The following NRIP1 variants were observed in gnomAD, a reference collection of about 807,000 sequenced individuals.
NRIP1 encodes nuclear receptor interacting protein 1, also known as nuclear receptor-interacting protein 1.
Under a neutral mutation model 75.0 loss-of-function variants are expected in NRIP1, and 28 were observed. The observed-to-expected ratio is 0.37, with a 90% CI of 0.28 to 0.51. NRIP1 has a LOEUF of 0.51. Ranked by LOEUF, NRIP1 falls within the 20% of genes least tolerant of loss-of-function variation. The pLI is 0.92. For synonymous variants in NRIP1, 526 were observed against 487.6 expected (o/e 1.08, Z -1.04); for missense variants, 1,435 against 1,343.7 (o/e 1.07, Z -1.06).
In NRIP1 at chr21:14,966,706, T is replaced by G. The variant is rs1211469423; in HGVS notation, c.1487A>C (p.Gln496Pro). Reference sequence around the variant, plus strand: ...TAGCAATTGAAGAAGTGTTACTTTCTGGTGTGAGTTTAGCTTAGAATTCTT... The same window carrying G: ...TAGCAATTGAAGAAGTGTTACTTTCGGGTGTGAGTTTAGCTTAGAATTCTT... ...TSKNSKLNSHQKVTLLQLLLG... is the reference protein window; with the variant it reads ...TSKNSKLNSHPKVTLLQLLLG... Residue 496 changes from glutamine to proline, a missense_variant, in exon 4 of 4, where the codon CAG becomes CCG. Gln to Pro is a moderately conservative substitution (Grantham distance 76). Transcript: ENST00000318948. 1.3e-5 allele frequency: 21 copies of G among 1,614,144 alleles called. No homozygotes were observed. The highest frequency in any genetic ancestry group is 1.7e-5 in the Non-Finnish European group (20 of 1,180,008).
chr21:14,974,125 C>T (rs905345794), intron 3 of NRIP1: 1 of 152,022 alleles, frequency 6.6e-6, no homozygotes, highest in Non-Finnish European at 1.5e-5. Context: ...AAAGAAATGA[C>T]ACAAAACAAC....
intron 3 of NRIP1, chr21:15,002,185 T>C (rs1196162784): frequency 2.0e-5 from 3 of 152,228 alleles, no homozygotes; most frequent in Non-Finnish European, 2.9e-5. Context: ...CCTACCTTTC[T>C]CTCACAGCAG....
chr21:15,044,879 T>C (rs2089036180), intron 1 of NRIP1, among the ~76,000 whole-genome samples: 1 of 152,202 alleles, frequency 6.6e-6, no homozygotes, highest in African/African-American at 2.4e-5. Context: ...ATACCCAGCA[T>C]GGTGCAAGGT....
intron 2 of NRIP1, among the ~76,000 whole-genome samples, chr21:15,035,657 A>G (rs569808362): frequency 6.6e-5 from 10 of 151,770 alleles, no homozygotes; most frequent in African/African-American, 1.9e-4. Context: ...CCTGGGTTCA[A>G]GCATTTCTCC....
intron 2 of NRIP1, among the ~76,000 whole-genome samples, chr21:15,014,917 T>C (rs79837810): frequency 1.3e-5 from 2 of 150,188 alleles, no homozygotes; most frequent in Admixed American, 6.6e-5. Flanking sequence ...AGCAAAAAAA[T>C]TGGTAATAAA....
Position 14,967,064 on chromosome 21 carries a change from T to C in NRIP1, c.1129A>G (p.Asn377Asp). 1 of 1,614,190 alleles carries C rather than the reference T, an allele frequency of 6.2e-7. No individual in the cohort carries two copies. Among genetic ancestry groups the C allele is most frequent in the South Asian group, 1.1e-5 (1 of 91,074 alleles). Reference protein sequence around the residue: ...ERNNIKQAANNSLLLHLLKSQ... With the variant: ...ERNNIKQAANDSLLLHLLKSQ... The stretch of plus-strand genomic sequence containing the variant: ...TTAAGAAGATGTAAAAGCAAACTAT[T>C]GTTAGCAGCTTGTTTTATATTGTTT... Residue 377 changes from asparagine (N) to aspartate (D), a missense_variant, in exon 4 of 4, where the codon AAT becomes GAT. Physicochemically the swap from Asn to Asp is conservative, Grantham distance 23 (BLOSUM62 1). Transcript: ENST00000318948.
intron 3 of NRIP1, among the ~76,000 whole-genome samples, chr21:14,974,953 T>TA (rs549265843): frequency 6.0e-4 from 89 of 148,242 alleles, no homozygotes; most frequent in Non-Finnish European, 8.7e-4. Flanking sequence ...ACAAAAACAT[T>TA]AAAAAAAAAA....
intron 3 of NRIP1, among the ~76,000 whole-genome samples, chr21:14,985,637 T>C (rs1159148675): frequency 3.3e-5 from 5 of 152,202 alleles, no homozygotes; most frequent in Admixed American, 6.5e-5. Flanking sequence ...TGTAAGATGA[T>C]CTTTATTTTA....
rs970062609 is a variant in NRIP1, at chr21:15,014,345, G to A, written c.-336C>T. 51 of 397,540 alleles carry A rather than the reference G, an allele frequency of 1.3e-4. No individual in the cohort carries two copies. Among genetic ancestry groups the A allele is most frequent in the African/African-American group, 3.1e-4 (15 of 48,590 alleles). The allele number at this position is 397,540 out of a possible 1,614,324, so 24.6% of individuals were successfully genotyped here. A position where few individuals can be genotyped will look rare whatever the true frequency, so the allele number is the denominator to read the frequency against. ...AACTCAGGAAAAAAATATTCTCACC[G>A]TCTGTCTCCAAGCTCTGAGCCTCTG... is the stretch of plus-strand genomic sequence containing the variant. On this transcript the variant is annotated splice_region_variant and 5_prime_UTR_variant, in exon 3 of 4. The change creates a new upstream start codon in the 5' untranslated region. Transcript: ENST00000318948.
At chr21:14,976,724 C>T (rs568505511) in intron 3 of NRIP1, among the ~76,000 whole-genome samples, 1 of 152,248 alleles carries the variant, frequency 6.6e-6, no homozygotes, top group Non-Finnish European at 1.5e-5. Flanking sequence ...ATGAAGAATG[C>T]ATCTGGCAGA....
At chr21:15,016,670 G>A (rs1475612657) in intron 2 of NRIP1, among the ~76,000 whole-genome samples, 1 of 152,124 alleles carries the variant, frequency 6.6e-6, no homozygotes, top group Non-Finnish European at 1.5e-5. Flanking sequence ...AGATCATGAG[G>A]TCTGGAGATC....
chr21:15,050,995 A>C, intron 1 of NRIP1: 2 of 433,358 alleles, frequency 4.6e-6, no homozygotes, highest in Non-Finnish European at 4.6e-6. Flanking sequence ...TAGCAGTAGC[A>C]TTTACCTACA....
At position 14,975,587 on chromosome 21, in the gene NRIP1, G is replaced by A. The variant is rs757067870; in HGVS notation, c.-334-7061C>T. ...AGCTATGACTGAGTTACTGTACACC[G>A]CATTCTAGCCTGCGTGACAGAATAA... On this transcript the variant is annotated intron_variant, in intron 3 of 3. Coordinates refer to ENST00000318948, the MANE Select transcript of NRIP1 (RefSeq NM_003489.4). Among the ~76,000 whole-genome samples, 19 of 138,822 alleles carry A rather than the reference G, an allele frequency of 1.4e-4. No individual in the cohort carries two copies. In the South Asian group the frequency reaches 1.8e-3, roughly 13 times the overall value. The allele number at this position is 138,822 out of a possible 152,430, so 91.1% of individuals were successfully genotyped here.
At position 14,963,143 on chromosome 21, in the gene NRIP1, T is replaced by C. The variant is rs2086633934; in HGVS notation, c.*1573A>G. On this transcript the variant is annotated 3_prime_UTR_variant, in exon 4 of 4. Transcript: ENST00000318948. The stretch of plus-strand genomic sequence containing the variant: ...AATGGAGTGATTGTGTACAATTCTG[T>C]CACGTATATGTGCCCTTTGTACTTT... The C allele has an allele frequency of 6.6e-6, 1 of 152,538 alleles. No homozygotes were observed. Among genetic ancestry groups the C allele is most frequent in the African/African-American group, 2.4e-5 (1 of 41,572 alleles). The allele number at this position is 152,538 out of a possible 1,614,324, so 9.4% of individuals were successfully genotyped here. A position where few individuals can be genotyped will look rare whatever the true frequency, so the allele number is the denominator to read the frequency against.
chr21:14,981,635 C>T (rs974435382), intron 3 of NRIP1, among the ~76,000 whole-genome samples: 9 of 152,144 alleles, frequency 5.9e-5, no homozygotes, highest in African/African-American at 2.2e-4. Flanking sequence ...TGTTTCAGAA[C>T]AACTTTTCTC....
intron 3 of NRIP1, among the ~76,000 whole-genome samples, chr21:14,994,641 A>C (rs1049967065): frequency 6.6e-6 from 1 of 152,208 alleles, no homozygotes; most frequent in Non-Finnish European, 1.5e-5. Flanking sequence ...ATTGTTGTCA[A>C]CTGCAAACGA....
intron 3 of NRIP1, among the ~76,000 whole-genome samples, chr21:15,003,472 G>C (rs2087895035): frequency 6.6e-6 from 1 of 152,128 alleles, no homozygotes; most frequent in African/African-American, 2.4e-5. Context: ...TGATGCATTT[G>C]TCCTTGACAC....
rs988735723 is a variant in NRIP1, at chr21:15,046,387, G to A, written c.-537-2813C>T. ...CGTGGTCAATAAACAGTAATATTTC[G>A]ATAGGAATCTTTTTTTTCTGAGCAG... On this transcript the variant is annotated intron_variant, in intron 1 of 3. Coordinates refer to ENST00000318948, the MANE Select transcript of NRIP1 (RefSeq NM_003489.4). Among the ~76,000 whole-genome samples the A allele has an allele frequency of 5.3e-5, 8 of 152,178 alleles. No homozygotes were observed. The East Asian group carries it at 5.8e-4, about 11-fold the overall frequency.
chr21:14,993,341 T>C (rs2087624578), intron 3 of NRIP1, among the ~76,000 whole-genome samples: 1 of 152,142 alleles, frequency 6.6e-6, no homozygotes, highest in Non-Finnish European at 1.5e-5. Context: ...AATCCACAAA[T>C]TGTCAACCTC....
Sources: allele counts gnomAD v4.1 joint callset (sites outside exome capture counted in the v4.1 genomes callset), GRCh38; gene constraint gnomAD v4.1.1; transcripts MANE v1.5; gene names NCBI Gene and HGNC (gene_info 2026-07-23, HGNC 2026-07-21).